The following TNIK variants were observed in gnomAD, a reference collection of about 807,000 sequenced individuals.
TNIK encodes TRAF2 and NCK-interacting protein kinase.
Under a neutral mutation model 191.3 loss-of-function variants are expected in TNIK, and 49 were observed. That is an observed-to-expected ratio of 0.26 (90% CI 0.20 to 0.32). TNIK has a LOEUF of 0.32. Among genes scored for constraint, TNIK ranks in the 10% least tolerant of loss-of-function variants. The probability of loss-of-function intolerance (pLI) is 1.00; values close to 1 mark genes in which losing one functional copy is unlikely to be tolerated. For synonymous variants in TNIK, 594 were observed against 600.9 expected, an observed-to-expected ratio of 0.99 and a Z score of 0.17; for missense variants, 1,155 against 1,702.3, an observed-to-expected ratio of 0.68 and a Z score of 5.66.
intron 18 of TNIK, among the ~76,000 whole-genome samples, chr3:171,113,834 A>G (rs1455970457): frequency 6.6e-6 from 1 of 151,928 alleles, no homozygotes. Flanking sequence ...CTGGATATAC[A>G]CAGCCCATTT....
At chr3:171,352,649 C>T (rs1397666328) in intron 2 of TNIK, among the ~76,000 whole-genome samples, 2 of 152,138 alleles carry the variant, frequency 1.3e-5, no homozygotes, top group Non-Finnish European at 2.9e-5. Flanking sequence ...GTATTAATTC[C>T]TTGGAGGAAA....
At chr3:171,271,795 AAATT>A (rs1205556362) in intron 2 of TNIK, among the ~76,000 whole-genome samples, 18 of 152,324 alleles carry the variant, frequency 1.2e-4, no homozygotes, top group Non-Finnish European at 2.2e-4. Context: ...TTAAAAGAAA[AAATT>A]AATTGACATG....
rs1001168798 is a variant in TNIK at position 171,274,034 on chromosome 3, T to A, written c.124-45813A>T. On this transcript the variant is annotated intron_variant, in intron 2 of 32. Transcript: ENST00000436636. ...AGACATATATCCACAAGGAGCAATA[T>A]GAAATTGGAGTGAGAAAGTGAGTTA... is the stretch of plus-strand genomic sequence containing the variant. 3.9e-5 allele frequency among the ~76,000 whole-genome samples: 6 copies of A among 152,370 alleles called. No individual in the cohort carries two copies. The South Asian group carries it at 6.2e-4, about 16-fold the overall frequency.
intron 23 of TNIK, among the ~76,000 whole-genome samples, chr3:171,089,859 C>T (rs979201826): frequency 1.3e-5 from 2 of 152,120 alleles, no homozygotes; most frequent in Non-Finnish European, 2.9e-5. Context: ...TATGACATTC[C>T]ATCAATTATC....
chr3:171,442,424 T>G (rs1272502358), intron 1 of TNIK, among the ~76,000 whole-genome samples: 3 of 152,226 alleles, frequency 2.0e-5, no homozygotes, highest in Non-Finnish European at 4.4e-5. Flanking sequence ...GTTGGGGGAC[T>G]GAACTGGCAA....
At chr3:171,437,368 C>A (rs1180691303) in intron 1 of TNIK, among the ~76,000 whole-genome samples, 4 of 152,152 alleles carry the variant, frequency 2.6e-5, no homozygotes, top group Non-Finnish European at 5.9e-5. Context: ...GGGCCTTATC[C>A]CCCTATAGCT....
chr3:171,210,577 T>C (rs1740679948), intron 4 of TNIK, among the ~76,000 whole-genome samples: 1 of 152,158 alleles, frequency 6.6e-6, no homozygotes, highest in South Asian at 2.1e-4. Flanking sequence ...ATTAGGTATT[T>C]TACTTACAGA....
chr3:171,154,757 T>C (rs1187953738), intron 12 of TNIK, among the ~76,000 whole-genome samples: 1 of 152,208 alleles, frequency 6.6e-6, no homozygotes, highest in Non-Finnish European at 1.5e-5. Context: ...TTCTCACCAT[T>C]GATGGACTCA....
chr3:171,187,998 C>T (rs1471865351), intron 7 of TNIK, among the ~76,000 whole-genome samples: 1 of 152,168 alleles, frequency 6.6e-6, no homozygotes, highest in Non-Finnish European at 1.5e-5. Context: ...AAAGCCGTGT[C>T]ACCTGAAAGT....
intron 23 of TNIK, among the ~76,000 whole-genome samples, chr3:171,092,665 C>T (rs1722217907): frequency 6.6e-6 from 1 of 152,218 alleles, no homozygotes; most frequent in Non-Finnish European, 1.5e-5. Flanking sequence ...TCAACAAGGA[C>T]ATAAAATGAA....
chr3:171,452,982 C>T (rs1728369111), intron 1 of TNIK, among the ~76,000 whole-genome samples: 1 of 152,090 alleles, frequency 6.6e-6, no homozygotes, highest in South Asian at 2.1e-4. Context: ...AAAGTGTCCC[C>T]AGGAGTCATG....
At chr3:171,306,187 G>GA (rs1403198641) in intron 2 of TNIK, among the ~76,000 whole-genome samples, 1 of 151,982 alleles carries the variant, frequency 6.6e-6, no homozygotes, top group Non-Finnish European at 1.5e-5. Context: ...GGAAAGAGGG[G>GA]AACAACACAC....
chr3:171,274,718 C>G (rs1749516142), intron 2 of TNIK, among the ~76,000 whole-genome samples: 1 of 152,066 alleles, frequency 6.6e-6, no homozygotes, highest in Admixed American at 6.5e-5. Context: ...ATTGACCACA[C>G]AAGTTGATCT....
chr3:171,326,251 A>G (rs745858187), intron 2 of TNIK, among the ~76,000 whole-genome samples: 5 of 152,216 alleles, frequency 3.3e-5, no homozygotes, highest in Non-Finnish European at 5.9e-5. Flanking sequence ...AAAATTTGTT[A>G]GTGTATTTCT....
chr3:171,185,014 T>G (rs1737179082), intron 7 of TNIK, among the ~76,000 whole-genome samples: 1 of 152,192 alleles, frequency 6.6e-6, no homozygotes, highest in African/African-American at 2.4e-5. Flanking sequence ...CATTTCACTG[T>G]GCATCTCTTA....
intron 2 of TNIK, among the ~76,000 whole-genome samples, chr3:171,307,265 C>G (rs1185540549): frequency 6.6e-6 from 1 of 152,062 alleles, no homozygotes; most frequent in African/African-American, 2.4e-5. Flanking sequence ...ATCTCAAAAG[C>G]TGAAAGTCAT....
At chr3:171,271,522 T>G (rs1749101741) in intron 2 of TNIK, among the ~76,000 whole-genome samples, 1 of 152,226 alleles carries the variant, frequency 6.6e-6, no homozygotes, top group Admixed American at 6.5e-5. Context: ...TGTTCAAATC[T>G]TACTTGTTCT....
intron 2 of TNIK, among the ~76,000 whole-genome samples, chr3:171,328,625 G>A (rs920127474): frequency 3.9e-5 from 6 of 152,132 alleles, no homozygotes; most frequent in African/African-American, 4.8e-5. Context: ...TTAAGATGAC[G>A]CAATAATTGG....
At chr3:171,454,410 G>C (rs1456452954) in intron 1 of TNIK, among the ~76,000 whole-genome samples, 2 of 152,164 alleles carry the variant, frequency 1.3e-5, no homozygotes, top group African/African-American at 4.8e-5. Flanking sequence ...GGGAAAAAAG[G>C]AATATTTCCT....
Sources: allele counts gnomAD v4.1 joint callset (sites outside exome capture counted in the v4.1 genomes callset), GRCh38; gene constraint gnomAD v4.1.1; transcripts MANE v1.5; gene names NCBI Gene and HGNC (gene_info 2026-07-23, HGNC 2026-07-21).